The following LHFPL3 variants were observed in gnomAD, a reference collection of about 807,000 sequenced individuals.
LHFPL3 encodes LHFPL tetraspan subfamily member 3 protein.
LHFPL3 carries 5 observed loss-of-function variants against 19.3 expected under a neutral mutation model. The ratio of observed to expected loss-of-function variants is 0.26; its 90% CI spans 0.14 to 0.54. The LOEUF (loss-of-function observed/expected upper bound fraction) is 0.54. LHFPL3 is among the 20% of genes least tolerant of loss of function. LHFPL3 has a pLI of 0.94. For missense variants in LHFPL3, 249 were observed against 307.4 expected (o/e 0.81, Z 1.42); for synonymous variants, 133 against 126.2 (o/e 1.05, Z -0.36).
chr7:104,458,457 G>T (rs1028113076), intron 1 of LHFPL3, among the ~76,000 whole-genome samples: 62 of 152,194 alleles, frequency 4.1e-4, no homozygotes, highest in African/African-American at 1.3e-3. Context: ...AGGGCTCTGT[G>T]CTGTTCCATT....
intron 1 of LHFPL3, among the ~76,000 whole-genome samples, chr7:104,338,758 T>G (rs1425717356): frequency 1.3e-5 from 2 of 152,196 alleles, no homozygotes; most frequent in African/African-American, 4.8e-5. Flanking sequence ...AAAATTAGAC[T>G]TATTTTCCAG....
At chr7:104,712,687 A>G (rs111895482) in intron 1 of LHFPL3, among the ~76,000 whole-genome samples, 1,775 of 152,282 alleles carry the variant, frequency 0.012, 32 homozygotes, top group African/African-American at 0.04. Flanking sequence ...ACAGAATGCA[A>G]TCTTACCAAC....
At chr7:104,771,828 T>C (rs1584525763) in intron 2 of LHFPL3, among the ~76,000 whole-genome samples, 2 of 139,110 alleles carry the variant, frequency 1.4e-5, no homozygotes, top group South Asian at 2.5e-4. Flanking sequence ...TTTTTTTTTT[T>C]TTTTTTTTTT....
chr7:104,660,929 T>C lies in LHFPL3; in HGVS notation c.446-75746T>C, dbSNP rs149778583. The stretch of plus-strand genomic sequence containing the variant: ...AAGTAGATGCCATACATCCTCATAG[T>C]ATACCTAAGATGGTAAACTCAGATG... On this transcript the variant is annotated intron_variant, in intron 1 of 2. Coordinates refer to ENST00000424859, the MANE Select transcript of LHFPL3 (RefSeq NM_199000.3). 2.5e-3 allele frequency among the ~76,000 whole-genome samples: 386 copies of C among 152,334 alleles called. 9 individuals carry two copies. The highest frequency in any genetic ancestry group is 0.022 in the Admixed American group (338 of 15,302).
intron 1 of LHFPL3, among the ~76,000 whole-genome samples, chr7:104,332,735 C>T (rs1047173533): frequency 6.6e-6 from 1 of 152,108 alleles, no homozygotes; most frequent in Non-Finnish European, 1.5e-5. Context: ...TATCCTCTCC[C>T]TCCTCACTCT....
chr7:104,472,519 G>T (rs951295370), intron 1 of LHFPL3, among the ~76,000 whole-genome samples: 1 of 152,142 alleles, frequency 6.6e-6, no homozygotes, highest in Non-Finnish European at 1.5e-5. Flanking sequence ...GCATCCTCAT[G>T]CATAGATTTC....
intron 2 of LHFPL3, among the ~76,000 whole-genome samples, chr7:104,749,196 GA>G (rs1794108336): frequency 6.6e-6 from 1 of 151,988 alleles, no homozygotes; most frequent in South Asian, 2.1e-4. Context: ...CCTAAATAAT[GA>G]AAAGGAGTAG....
At chr7:104,451,636 A>C (rs565801210) in intron 1 of LHFPL3, among the ~76,000 whole-genome samples, 2 of 152,204 alleles carry the variant, frequency 1.3e-5, no homozygotes, top group Non-Finnish European at 2.9e-5. Context: ...TCTATGCCTA[A>C]ATATATATTA....
chr7:104,562,436 T>C (rs2115953909), intron 1 of LHFPL3, among the ~76,000 whole-genome samples: 1 of 152,374 alleles, frequency 6.6e-6, no homozygotes, highest in South Asian at 2.1e-4. Context: ...ATTCATTTCA[T>C]CTTCCATCGC....
chr7:104,873,239 G>A (rs1446991181), intron 2 of LHFPL3, among the ~76,000 whole-genome samples: 2 of 152,142 alleles, frequency 1.3e-5, no homozygotes, highest in Non-Finnish European at 2.9e-5. Context: ...GCAAAGTAGG[G>A]GTGTGTGTAT....
At chr7:104,631,774 G>A (rs973412539) in intron 1 of LHFPL3, among the ~76,000 whole-genome samples, 1 of 152,178 alleles carries the variant, frequency 6.6e-6, no homozygotes, top group Non-Finnish European at 1.5e-5. Context: ...GCTAAGAATA[G>A]TGAAAATACC....
At chr7:104,413,891 C>T (rs930817511) in intron 1 of LHFPL3, among the ~76,000 whole-genome samples, 1 of 152,034 alleles carries the variant, frequency 6.6e-6, no homozygotes, top group Non-Finnish European at 1.5e-5. Flanking sequence ...TTGTTTTTGC[C>T]AGGAACTCTT....
intron 1 of LHFPL3, among the ~76,000 whole-genome samples, chr7:104,409,008 G>A (rs1275772734): frequency 1.3e-5 from 2 of 151,092 alleles, no homozygotes; most frequent in Non-Finnish European, 3.0e-5. Context: ...GGGACTACAG[G>A]CGCCTGCCAC....
At position 104,579,354 on chromosome 7, in the gene LHFPL3, T is replaced by C. The variant is rs1790410608; in HGVS notation, c.446-157321T>C. 3.3e-5 allele frequency among the ~76,000 whole-genome samples: 5 copies of C among 152,170 alleles called. No homozygotes were observed. The South Asian group carries it at 1.0e-3, about 31-fold the overall frequency. On this transcript the variant is annotated intron_variant, in intron 1 of 2. Transcript: ENST00000424859. ...GAATCCCCAGTGTCTGTTATTTCAA[T>C]CTTTATGTCCAGGGGCACCCAATAT...
At chr7:104,765,429 AC>A (rs1483975105) in intron 2 of LHFPL3, among the ~76,000 whole-genome samples, 1 of 152,160 alleles carries the variant, frequency 6.6e-6, no homozygotes, top group African/African-American at 2.4e-5. Flanking sequence ...TACCTAAATA[AC>A]CTTCCAGTTT....
intron 1 of LHFPL3, among the ~76,000 whole-genome samples, chr7:104,640,115 T>A (rs531939229): frequency 6.6e-6 from 1 of 152,256 alleles, no homozygotes; most frequent in African/African-American, 2.4e-5. Flanking sequence ...TTCTTTAAAA[T>A]TTTATTTTAC....
chr7:104,385,227 A>G (rs1330101632), intron 1 of LHFPL3, among the ~76,000 whole-genome samples: 2 of 152,208 alleles, frequency 1.3e-5, no homozygotes, highest in African/African-American at 2.4e-5. Flanking sequence ...TTTTGTAACA[A>G]TTCTTGTTGC....
At chr7:104,378,885 A>G (rs1402502391) in intron 1 of LHFPL3, among the ~76,000 whole-genome samples, 3 of 152,244 alleles carry the variant, frequency 2.0e-5, no homozygotes, top group Non-Finnish European at 2.9e-5. Context: ...TGATAAATAC[A>G]TAGATCTGGA....
chr7:104,717,471 A>C (rs1379175697), intron 1 of LHFPL3, among the ~76,000 whole-genome samples: 2 of 152,178 alleles, frequency 1.3e-5, no homozygotes, highest in Admixed American at 6.5e-5. Context: ...AAAAACTAAT[A>C]ACCTGATTTT....
Sources: allele counts gnomAD v4.1 joint callset (sites outside exome capture counted in the v4.1 genomes callset), GRCh38; gene constraint gnomAD v4.1.1; transcripts MANE v1.5; gene names NCBI Gene and HGNC (gene_info 2026-07-23, HGNC 2026-07-21).